Variants in SYNPR observed in about 807,000 individuals in gnomAD.
The protein encoded by SYNPR is synaptoporin.
A neutral mutation model predicts 32.9 loss-of-function variants in SYNPR; 23 were observed. The ratio of observed to expected loss-of-function variants is 0.70; its 90% CI spans 0.50 to 0.99. The LOEUF is 0.99. Ranked by LOEUF, SYNPR falls within the 50% of genes least tolerant of loss-of-function variation. SYNPR has a pLI of 0.00. For synonymous variants in SYNPR, 146 were observed against 135.9 expected (o/e 1.07, Z -0.52); for missense variants, 318 against 349.3 (o/e 0.91, Z 0.71).
chr3:63,481,830 G>C (rs1240754726), intron 3 of SYNPR, among the ~76,000 whole-genome samples: 2 of 152,160 alleles, frequency 1.3e-5, no homozygotes, highest in Non-Finnish European at 2.9e-5. Context: ...GCAGGATCTA[G>C]GACAGGAGAT....
At chr3:63,531,918 T>C (rs911711328) in intron 3 of SYNPR, among the ~76,000 whole-genome samples, 1 of 152,214 alleles carries the variant, frequency 6.6e-6, no homozygotes, top group Non-Finnish European at 1.5e-5. Flanking sequence ...ATTTACCTAC[T>C]TCTATATGAA....
chr3:63,314,472 A>T (rs1439582847), intron 2 of SYNPR, among the ~76,000 whole-genome samples: 1 of 151,780 alleles, frequency 6.6e-6, no homozygotes, highest in African/African-American at 2.4e-5. Flanking sequence ...ATCATTAGTG[A>T]TATTTAGCAT....
chr3:63,482,150 T>C (rs567923841), intron 3 of SYNPR, among the ~76,000 whole-genome samples: 2 of 152,140 alleles, frequency 1.3e-5, no homozygotes, highest in Non-Finnish European at 2.9e-5. Context: ...AAATCCCTGC[T>C]TAAGGATACA....
intron 3 of SYNPR, among the ~76,000 whole-genome samples, chr3:63,539,336 C>T (rs751582477): frequency 2.6e-5 from 4 of 152,032 alleles, no homozygotes; most frequent in Non-Finnish European, 4.4e-5. Flanking sequence ...AATTCCTGGG[C>T]TCGAGTTTCT....
intron 3 of SYNPR, among the ~76,000 whole-genome samples, chr3:63,554,471 T>C (rs556697647): frequency 6.6e-6 from 1 of 152,346 alleles, no homozygotes; most frequent in African/African-American, 2.4e-5. Flanking sequence ...TAGGGAGTTC[T>C]TTTTCTATTG....
At chr3:63,326,445 G>C (rs553385172) in intron 2 of SYNPR, among the ~76,000 whole-genome samples, 12 of 152,200 alleles carry the variant, frequency 7.9e-5, no homozygotes, top group African/African-American at 2.6e-4. Flanking sequence ...CCAGCTGTTA[G>C]GGACAATAAT....
At chr3:63,526,180 A>G (rs560191486) in intron 3 of SYNPR, among the ~76,000 whole-genome samples, 1 of 152,186 alleles carries the variant, frequency 6.6e-6, no homozygotes, top group Non-Finnish European at 1.5e-5. Context: ...AAATTTCCAC[A>G]TGAGACTTGC....
intron 4 of SYNPR, among the ~76,000 whole-genome samples, chr3:63,605,950 T>C (rs1346298184): frequency 1.3e-5 from 2 of 152,260 alleles, no homozygotes; most frequent in African/African-American, 4.8e-5. Context: ...TTGTTGTTGC[T>C]GTCATTATTG....
chr3:63,375,310 T>G (rs111842850), intron 2 of SYNPR, among the ~76,000 whole-genome samples: 331 of 152,228 alleles, frequency 2.2e-3, no homozygotes, highest in African/African-American at 7.0e-3. Context: ...AGCAAAGACT[T>G]GGAACCAACC....
intron 4 of SYNPR, among the ~76,000 whole-genome samples, chr3:63,562,209 G>A (rs1270480590): frequency 6.6e-6 from 1 of 152,148 alleles, no homozygotes; most frequent in Non-Finnish European, 1.5e-5. Flanking sequence ...GATGTTCTGA[G>A]CCATTTTCAG....
chr3:63,449,714 A>G (rs1276751870), intron 2 of SYNPR, among the ~76,000 whole-genome samples: 5 of 152,226 alleles, frequency 3.3e-5, no homozygotes, highest in Non-Finnish European at 7.3e-5. Context: ...CGAATATACT[A>G]GTGCCATTTG....
intron 3 of SYNPR, among the ~76,000 whole-genome samples, chr3:63,520,145 C>T (rs1420655085): frequency 6.6e-6 from 1 of 152,154 alleles, no homozygotes; most frequent in East Asian, 1.9e-4. Flanking sequence ...CGGCATGTCC[C>T]ACACATAAGT....
intron 4 of SYNPR, among the ~76,000 whole-genome samples, chr3:63,563,300 C>T (rs1295621175): frequency 6.6e-6 from 1 of 152,182 alleles, no homozygotes; most frequent in Non-Finnish European, 1.5e-5. Context: ...GGGAGGTAGA[C>T]TTTAAATTTC....
At chr3:63,389,235 G>A (rs753127679) in intron 2 of SYNPR, among the ~76,000 whole-genome samples, 1 of 152,246 alleles carries the variant, frequency 6.6e-6, no homozygotes, top group East Asian at 1.9e-4. Flanking sequence ...TATTTGAGTG[G>A]ATGGAATAAA....
the SYNPR span, among the ~76,000 whole-genome samples, chr3:63,218,119 C>T: frequency 6.6e-6 from 1 of 152,078 alleles, no homozygotes; most frequent in Non-Finnish European, 1.5e-5. Context: ...AGTAACAGAG[C>T]AAGACCTTGT....
chr3:63,353,670 T>C (rs2087538436), intron 2 of SYNPR, among the ~76,000 whole-genome samples: 1 of 152,154 alleles, frequency 6.6e-6, no homozygotes, highest in African/African-American at 2.4e-5. Flanking sequence ...AAGCAAACTG[T>C]CCCCTCCACT....
At chr3:63,562,086 G>C (rs1453774101) in intron 4 of SYNPR, among the ~76,000 whole-genome samples, 2 of 152,154 alleles carry the variant, frequency 1.3e-5, no homozygotes, top group Non-Finnish European at 2.9e-5. Context: ...AAGCAGAAAT[G>C]TCCGTGTGAA....
chr3:63,428,340 T>G (rs1699927515), intron 2 of SYNPR, among the ~76,000 whole-genome samples: 7 of 152,232 alleles, frequency 4.6e-5, no homozygotes. Context: ...TTATATCACA[T>G]TATTGCCTCT....
At position 63,295,692 on chromosome 3, in the gene SYNPR, A is replaced by T. The variant is rs116311424; in HGVS notation, c.84+16950A>T. Among the ~76,000 whole-genome samples, 1,267 of 152,332 alleles carry T rather than the reference A, an allele frequency of 8.3e-3. 23 individuals carry two copies. Among genetic ancestry groups the T allele is most frequent in the African/African-American group, 0.028 (1,146 of 41,572 alleles). On this transcript the variant is annotated intron_variant, in intron 2 of 5. Transcript: ENST00000478300. ...TTCTTTTCTTATAAATATACTTGAT[A>T]AAACAACAAATGAAAGGATGATCTT... is the stretch of plus-strand genomic sequence containing the variant.
Sources: allele counts gnomAD v4.1 joint callset (sites outside exome capture counted in the v4.1 genomes callset), GRCh38; gene constraint gnomAD v4.1.1; transcripts MANE v1.5; gene names NCBI Gene and HGNC (gene_info 2026-07-23, HGNC 2026-07-21).